THSD7B: variants seen among roughly 807,000 people sequenced by gnomAD.
The protein encoded by THSD7B is thrombospondin type-1 domain-containing protein 7B.
A neutral mutation model predicts 213.6 loss-of-function variants in THSD7B; 138 were observed. The ratio of observed to expected loss-of-function variants is 0.65; its 90% confidence interval spans 0.56 to 0.74. The LOEUF (loss-of-function observed/expected upper bound fraction) is 0.74, where lower values mean the gene tolerates loss of function less well. Ranked by LOEUF, THSD7B falls within the 30% of genes least tolerant of loss-of-function variation. The pLI is 0.00. For synonymous variants in THSD7B, 742 were observed against 687.0 expected (o/e 1.08, Z -1.25); for missense variants, 1,931 against 1,991.5 (o/e 0.97, Z 0.58).
Position 137,359,759 on chromosome 2 carries a change from T to C in THSD7B, c.2501-45854T>C, listed in dbSNP as rs189561720. Among the ~76,000 whole-genome samples, 13 of 152,340 alleles carry C rather than the reference T, an allele frequency of 8.5e-5. No individual in the cohort carries two copies. In the East Asian group the frequency reaches 2.5e-3, roughly 29 times the overall value. ...GATGCTCTTTTTAGATGTGTGTATG[T>C]GATACCTCTTTTGTTCTCTTTTAAG... is the stretch of plus-strand genomic sequence containing the variant. On this transcript the variant is annotated intron_variant, in intron 12 of 27. Coordinates refer to ENST00000409968, the MANE Select transcript of THSD7B (RefSeq NM_001316349.2).
intron 3 of THSD7B, among the ~76,000 whole-genome samples, chr2:137,060,213 G>C (rs1010279302): frequency 6.6e-6 from 1 of 151,942 alleles, no homozygotes; most frequent in Non-Finnish European, 1.5e-5. Context: ...TAATTGAGTT[G>C]TTTTCTTATT....
intron 7 of THSD7B, among the ~76,000 whole-genome samples, chr2:137,184,132 T>TC (rs1367901461): frequency 2.6e-5 from 4 of 151,880 alleles, no homozygotes; most frequent in Non-Finnish European, 5.9e-5. Context: ...TAGTGAGGAG[T>TC]CCATCTCTCC....
At chr2:137,405,540 C>G in intron 12 of THSD7B, 73 bp from the exon 13 acceptor site, 1 of 1,420,964 alleles carries the variant, frequency 7.0e-7, no homozygotes, top group Non-Finnish European at 9.5e-7. Context: ...GGGGATTCTG[C>G]TGTCTTGTCA....
intron 5 of THSD7B, among the ~76,000 whole-genome samples, chr2:137,151,694 T>A (rs1233394466): frequency 2.0e-5 from 3 of 152,204 alleles, no homozygotes; most frequent in African/African-American, 7.2e-5. Context: ...CAATTATTTA[T>A]TATCAAGTAT....
chr2:137,412,468 C>T (rs1003790187), intron 14 of THSD7B, among the ~76,000 whole-genome samples: 27 of 151,296 alleles, frequency 1.8e-4, no homozygotes, highest in African/African-American at 6.1e-4. Context: ...GGCGTGGTGG[C>T]GCATGCCTGT....
intron 22 of THSD7B, among the ~76,000 whole-genome samples, chr2:137,656,529 C>A (rs1180286621): frequency 6.6e-6 from 1 of 152,102 alleles, no homozygotes; most frequent in Non-Finnish European, 1.5e-5. Context: ...CTAGCAGATA[C>A]ATAATATTTT....
intron 2 of THSD7B, among the ~76,000 whole-genome samples, chr2:136,978,387 G>A (rs1381943123): frequency 4.6e-5 from 7 of 152,080 alleles, no homozygotes; most frequent in Non-Finnish European, 4.4e-5. Flanking sequence ...CTGACAGTAG[G>A]GTGTTTAAAT....
At chr2:137,174,860 G>A (rs1680330319) in intron 7 of THSD7B, among the ~76,000 whole-genome samples, 2 of 152,262 alleles carry the variant, frequency 1.3e-5, no homozygotes, top group East Asian at 1.9e-4. Context: ...TGACAAGTAT[G>A]TTTCCTCATT....
At chr2:137,257,166 A>T (rs1187652186) in intron 10 of THSD7B, among the ~76,000 whole-genome samples, 1 of 152,192 alleles carries the variant, frequency 6.6e-6, no homozygotes, top group Non-Finnish European at 1.5e-5. Flanking sequence ...TAGGGGATTC[A>T]CTTTTGTCAT....
chr2:137,088,106 G>T (rs1411092476), intron 3 of THSD7B, among the ~76,000 whole-genome samples: 1 of 152,024 alleles, frequency 6.6e-6, no homozygotes, highest in Non-Finnish European at 1.5e-5. Flanking sequence ...CAGGAATAGT[G>T]GTTTGTGCCT....
In THSD7B at chr2:136,995,365, C is replaced by T. The variant is rs555490491; in HGVS notation, c.140-61055C>T. Among the ~76,000 whole-genome samples, 49 of 152,256 alleles carry T rather than the reference C, an allele frequency of 3.2e-4. No homozygotes were observed. In the South Asian group the frequency reaches 1.0e-2, roughly 31 times the overall value. The stretch of plus-strand genomic sequence containing the variant: ...AGAGACTCATGGACCAGCAAATCTG[C>T]ATCTCTGGAATACAGAGGCAGCAAC... On this transcript the variant is annotated intron_variant, in intron 2 of 27. Coordinates refer to ENST00000409968, the MANE Select transcript of THSD7B (RefSeq NM_001316349.2).
At chr2:137,288,153 G>A (rs927987516) in intron 12 of THSD7B, among the ~76,000 whole-genome samples, 1 of 152,036 alleles carries the variant, frequency 6.6e-6, no homozygotes, top group Non-Finnish European at 1.5e-5. Flanking sequence ...TTTCCAGGCA[G>A]CAGTGAAAGA....
At chr2:136,958,362 G>A (rs1264467808) in intron 2 of THSD7B, among the ~76,000 whole-genome samples, 1 of 152,178 alleles carries the variant, frequency 6.6e-6, no homozygotes, top group East Asian at 1.9e-4. Context: ...TTGATCGCAA[G>A]CAAATATGAT....
intron 2 of THSD7B, among the ~76,000 whole-genome samples, chr2:136,967,817 A>G (rs1403508517): frequency 2.6e-5 from 4 of 152,220 alleles, no homozygotes; most frequent in South Asian, 2.1e-4. Context: ...CCACTGATGG[A>G]TGCTTCCCTA....
chr2:137,665,728 G>T (rs189578736), intron 26 of THSD7B, among the ~76,000 whole-genome samples: 1 of 152,100 alleles, frequency 6.6e-6, no homozygotes, highest in Admixed American at 6.5e-5. Context: ...GCAAATGAAT[G>T]AAAACAATAT....
intron 10 of THSD7B, among the ~76,000 whole-genome samples, chr2:137,249,184 A>G (rs1462334026): frequency 2.6e-5 from 4 of 151,990 alleles, no homozygotes; most frequent in African/African-American, 9.7e-5. Context: ...ACCTTTTCCT[A>G]TTTCATAGGG....
At chr2:137,053,131 A>G (rs531437392) in intron 2 of THSD7B, among the ~76,000 whole-genome samples, 1 of 152,320 alleles carries the variant, frequency 6.6e-6, no homozygotes, top group South Asian at 2.1e-4. Flanking sequence ...AATTGTTTAC[A>G]TACTGCCTTC....
chr2:137,202,225 G>T (rs756566890), intron 7 of THSD7B, among the ~76,000 whole-genome samples: 8 of 152,128 alleles, frequency 5.3e-5, no homozygotes, highest in Non-Finnish European at 1.2e-4. Context: ...TAGCCTGAAT[G>T]ATACTTCTCC....
chr2:136,869,147 C>T (rs1002531468), intron 1 of THSD7B, among the ~76,000 whole-genome samples: 1 of 152,060 alleles, frequency 6.6e-6, no homozygotes, highest in Non-Finnish European at 1.5e-5. Flanking sequence ...CAATTTAGAA[C>T]TTCTTCTGTT....
Sources: gnomAD v4.1 joint callset for allele counts (sites outside exome capture counted in the v4.1 genomes callset) on GRCh38, gnomAD v4.1.1 for gene constraint, MANE v1.5 for transcripts, NCBI Gene and HGNC (gene_info 2026-07-23, HGNC 2026-07-21) for gene names.